The following AHCYL2 variants were observed in gnomAD, a reference collection of about 807,000 sequenced individuals.
The protein encoded by AHCYL2 is adenosylhomocysteinase like 2.
A neutral mutation model predicts 81.4 loss-of-function variants in AHCYL2; 28 were observed. The observed-to-expected ratio is 0.34, with a 90% CI of 0.25 to 0.47. The LOEUF is 0.47. AHCYL2 is among the 20% of genes least tolerant of loss of function. AHCYL2 has a pLI of 1.00. For synonymous variants in AHCYL2, 272 were observed against 290.2 expected, an observed-to-expected ratio of 0.94 and a Z score of 0.64; for missense variants, 551 against 785.1, an observed-to-expected ratio of 0.70 and a Z score of 3.56.
At chr7:129,333,950 A>G (rs1220224224) in intron 1 of AHCYL2, among the ~76,000 whole-genome samples, 1 of 152,122 alleles carries the variant, frequency 6.6e-6, no homozygotes, top group East Asian at 1.9e-4. Flanking sequence ...ATTTATTCCT[A>G]TCCCCTTTTT....
Position 129,348,813 on chromosome 7 carries a change from T to G in AHCYL2, c.364-30825T>G, listed in dbSNP as rs79938178. On this transcript the variant is annotated intron_variant, in intron 1 of 16. Coordinates refer to ENST00000325006, the MANE Select transcript of AHCYL2 (RefSeq NM_015328.4). ...GTTAACCTGAATGGATCAATGAACC[T>G]TTGAAATTGCAAATTTTGTATAAGC... Among the ~76,000 whole-genome samples the G allele has an allele frequency of 2.6e-3, 399 of 152,338 alleles. 4 individuals carry two copies. Among genetic ancestry groups the G allele is most frequent in the African/African-American group, 9.2e-3 (382 of 41,574 alleles).
At chr7:129,398,241 C>T (rs1395121841) in intron 5 of AHCYL2, among the ~76,000 whole-genome samples, 1 of 150,716 alleles carries the variant, frequency 6.6e-6, no homozygotes, top group Middle Eastern at 3.2e-3. Flanking sequence ...AAACAGCCAG[C>T]CTCAAGTGAT....
chr7:129,294,501 G>A (rs1213243935), intron 1 of AHCYL2, among the ~76,000 whole-genome samples: 2 of 152,100 alleles, frequency 1.3e-5, no homozygotes, highest in Non-Finnish European at 2.9e-5. Context: ...GAGGTAGATG[G>A]TATATCAATT....
At chr7:129,417,047 C>T (rs1224723811) in intron 12 of AHCYL2, among the ~76,000 whole-genome samples, 1 of 152,012 alleles carries the variant, frequency 6.6e-6, no homozygotes, top group African/African-American at 2.4e-5. Flanking sequence ...ATCACTGGAG[C>T]CTGGGAGGCA....
intron 1 of AHCYL2, among the ~76,000 whole-genome samples, chr7:129,371,069 T>C (rs1332297833): frequency 6.6e-6 from 1 of 152,198 alleles, no homozygotes; most frequent in Non-Finnish European, 1.5e-5. Flanking sequence ...AGACCTTACT[T>C]GTAAAATGTT....
chr7:129,351,304 A>G (rs759084280), intron 1 of AHCYL2, among the ~76,000 whole-genome samples: 20 of 152,356 alleles, frequency 1.3e-4, no homozygotes, highest in Non-Finnish European at 2.8e-4. Flanking sequence ...CAGCAGGAAC[A>G]TAGTAGAAAT....
chr7:129,373,265 G>T (rs1005872289), intron 1 of AHCYL2, among the ~76,000 whole-genome samples: 2 of 152,132 alleles, frequency 1.3e-5, no homozygotes, highest in Non-Finnish European at 2.9e-5. Flanking sequence ...AAACTTATTG[G>T]CTGTGTGCGG....
At chr7:129,393,215 A>G (rs1795555095) in intron 4 of AHCYL2, among the ~76,000 whole-genome samples, 1 of 152,188 alleles carries the variant, frequency 6.6e-6, no homozygotes, top group African/African-American at 2.4e-5. Context: ...CCAGGAGTTG[A>G]AGACTAGCCT....
chr7:129,410,617 C>T lies in AHCYL2; in HGVS notation c.1366+1071C>T, dbSNP rs116843440. 9.3e-3 allele frequency among the ~76,000 whole-genome samples: 1,413 copies of T among 152,294 alleles called. 15 individuals are homozygous for T. The highest frequency in any genetic ancestry group is 0.012 in the Non-Finnish European group (838 of 68,036). ...ACCTCCAAAAGTGATGTATGTTTCT[C>T]TCTAGTATGTAATTAAGGCAAGGCT... On this transcript the variant is annotated intron_variant, in intron 11 of 16. Transcript: ENST00000325006.
At chr7:129,230,064 C>T in intron 1 of AHCYL2, among the ~76,000 whole-genome samples, 1 of 148,194 alleles carries the variant, frequency 6.7e-6, no homozygotes, top group African/African-American at 2.5e-5. Context: ...TTTACATATA[C>T]TGTTTTATTT....
intron 1 of AHCYL2, among the ~76,000 whole-genome samples, chr7:129,363,525 G>T (rs1046316369): frequency 1.3e-5 from 2 of 152,084 alleles, no homozygotes; most frequent in Admixed American, 6.5e-5. Flanking sequence ...ACTTAGTTTA[G>T]CCTGCCAAAG....
chr7:129,374,831 C>T (rs1794597465), intron 1 of AHCYL2, among the ~76,000 whole-genome samples: 1 of 150,560 alleles, frequency 6.6e-6, no homozygotes, highest in South Asian at 2.1e-4. Flanking sequence ...AAAAATCTGC[C>T]ATTTTATGTC....
chr7:129,413,972 C>T (rs1367478140), intron 12 of AHCYL2, among the ~76,000 whole-genome samples: 1 of 152,150 alleles, frequency 6.6e-6, no homozygotes, highest in Non-Finnish European at 1.5e-5. Context: ...AAGATAAACT[C>T]AAAACTACAA....
chr7:129,317,475 G>A (rs1334341370), intron 1 of AHCYL2, among the ~76,000 whole-genome samples: 1 of 152,188 alleles, frequency 6.6e-6, no homozygotes, highest in African/African-American at 2.4e-5. Flanking sequence ...TGTGAAGGAA[G>A]ACCGGGAAGA....
At chr7:129,300,814 G>A (rs1387768586) in intron 1 of AHCYL2, among the ~76,000 whole-genome samples, 1 of 152,090 alleles carries the variant, frequency 6.6e-6, no homozygotes, top group East Asian at 1.9e-4. Context: ...CATTTCAGCT[G>A]TGGCAAGATA....
At chr7:129,375,322 G>A (rs937209561) in intron 1 of AHCYL2, among the ~76,000 whole-genome samples, 1 of 140,362 alleles carries the variant, frequency 7.1e-6, no homozygotes, top group Non-Finnish European at 1.6e-5. Flanking sequence ...TGAGTACTTG[G>A]CACCATTAAT....
intron 1 of AHCYL2, among the ~76,000 whole-genome samples, chr7:129,258,483 A>G (rs1338950885): frequency 1.3e-5 from 2 of 151,794 alleles, no homozygotes; most frequent in East Asian, 3.9e-4. Flanking sequence ...AAAGCTTGGA[A>G]TGCCAATAGT....
intron 1 of AHCYL2, among the ~76,000 whole-genome samples, chr7:129,232,453 G>A (rs1563159561): frequency 6.6e-6 from 1 of 152,210 alleles, no homozygotes; most frequent in Non-Finnish European, 1.5e-5. Flanking sequence ...ACTGAAGTCT[G>A]CTTAAGCTGC....
chr7:129,225,476 G>T, intron 1 of AHCYL2, 37 bp downstream of exon 1: 1 of 1,470,950 alleles, frequency 6.8e-7, no homozygotes, highest in South Asian at 1.3e-5. Context: ...GAGAGGAAGG[G>T]AGGGGAGGGG....
Sources: allele counts gnomAD v4.1 joint callset (sites outside exome capture counted in the v4.1 genomes callset), GRCh38; gene constraint gnomAD v4.1.1; transcripts MANE v1.5; gene names NCBI Gene and HGNC (gene_info 2026-07-23, HGNC 2026-07-21).